The following TMEM255A variants were observed in gnomAD, a reference collection of about 807,000 sequenced individuals.
The protein encoded by TMEM255A is transmembrane protein 255A.
In TMEM255A, 14 loss-of-function variants were observed where a neutral mutation model predicts 23.5. The observed-to-expected ratio is 0.60, with a 90% confidence interval of 0.39 to 0.93. TMEM255A has a LOEUF of 0.93. Ranked by LOEUF, TMEM255A falls within the 40% of genes least tolerant of loss-of-function variation. TMEM255A has a pLI of 0.00. For synonymous variants in TMEM255A, 104 were observed against 100.3 expected, an observed-to-expected ratio of 1.04 and a Z score of -0.22; for missense variants, 233 against 261.7, an observed-to-expected ratio of 0.89 and a Z score of 0.76.
At chrX:120,256,457 AAT>A (rs2057638414), downstream of TMEM255A, 1 of 122,411 alleles carries the variant, frequency 8.2e-6, no homozygotes, top group Non-Finnish European at 1.9e-5. Flanking sequence ...CTTTATTTGA[AAT>A]AGTTGAATCA....
intron 3 of TMEM255A, among the ~76,000 whole-genome samples, chrX:120,292,020 T>C (rs1556023085): frequency 9.0e-6 from 1 of 111,290 alleles, no homozygotes. Flanking sequence ...AATTTTTAAA[T>C]TTTTTTAGAG....
intron 7 of TMEM255A, among the ~76,000 whole-genome samples, chrX:120,274,169 C>T (rs1207722988): frequency 1.8e-5 from 2 of 111,726 alleles, no homozygotes; most frequent in Admixed American, 9.5e-5. Flanking sequence ...CCCAGAAGTT[C>T]GAATATTGCA....
intron 1 of TMEM255A, among the ~76,000 whole-genome samples, chrX:120,305,016 C>A (rs2058055860): frequency 9.0e-6 from 1 of 111,439 alleles, no homozygotes; most frequent in African/African-American, 3.3e-5. Flanking sequence ...TGACATTTGC[C>A]ACCTCATGTA....
At chrX:120,283,551 C>T (rs1205575907) in intron 6 of TMEM255A, among the ~76,000 whole-genome samples, 1 of 111,194 alleles carries the variant, frequency 9.0e-6, no homozygotes, top group Non-Finnish European at 1.9e-5. Context: ...CCTCCCCTTA[C>T]TCCCTCCCTC....
intron 6 of TMEM255A, among the ~76,000 whole-genome samples, chrX:120,277,553 T>C (rs1202310861): frequency 9.0e-6 from 1 of 111,360 alleles, no homozygotes; most frequent in African/African-American, 3.3e-5. Flanking sequence ...ATTTCCATCA[T>C]TGCAGAAAGT....
At chrX:120,304,214 TA>T in intron 2 of TMEM255A, 134 bp downstream of exon 2, 1 of 703,910 alleles carries the variant, frequency 1.4e-6, no homozygotes, top group Non-Finnish European at 2.1e-6. Flanking sequence ...CCTCTCCACA[TA>T]AATATACAGA....
chrX:120,287,157 C>T lies in TMEM255A; in HGVS notation c.420G>A (p.Glu140=). The change falls in exon 5 of 9, where the codon GAG becomes GAA. Residue 140 remains glutamate (E), a synonymous_variant. Transcript: ENST00000371369. ...ATGCAGCCTCATTCTGGCTCACCTC[C>T]TCAGCTTCCTTCTGTGATGTCTTGG... ...YVPKTSQKEA[E]EVNCPHLSRE... is the part of the protein sequence containing the mutation. The T allele has an allele frequency of 8.3e-7, 1 of 1,209,951 alleles. No individual in the cohort carries two copies. The highest frequency in any genetic ancestry group is 1.1e-6 in the Non-Finnish European group (1 of 893,699).
chrX:120,266,729 A>T (rs971628791), intron 8 of TMEM255A, among the ~76,000 whole-genome samples: 4 of 111,874 alleles, frequency 3.6e-5, no homozygotes, highest in Non-Finnish European at 7.5e-5. Flanking sequence ...TATTATAGGG[A>T]CCCCAAGAGA....
At chrX:120,255,465 T>C, downstream of TMEM255A, 1 of 1,096,608 alleles carries the variant, frequency 9.1e-7, no homozygotes, top group Non-Finnish European at 1.2e-6. Context: ...AGTTTTGTTT[T>C]GGATGATGGG....
chrX:120,297,006 TA>T (rs1202352016), intron 2 of TMEM255A, among the ~76,000 whole-genome samples: 1 of 4,281 alleles, frequency 2.3e-4, no homozygotes. Flanking sequence ...ATATAATATA[TA>T]ATATTATATA....
At chrX:120,254,231 T>C, downstream of TMEM255A, 1 of 1,211,964 alleles carries the variant, frequency 8.3e-7, no homozygotes, top group Non-Finnish European at 1.1e-6. Flanking sequence ...TATCTTCAGC[T>C]CCAACACATC....
intron 8 of TMEM255A, 96 bp from the exon 9 acceptor site, chrX:120,261,124 T>A: frequency 9.5e-7 from 1 of 1,052,871 alleles, no homozygotes; most frequent in Non-Finnish European, 1.2e-6. Flanking sequence ...CAAAGCTTTT[T>A]TTCTATTTGG....
rs1285559644 is a variant in TMEM255A at position 120,261,174 on chromosome X, C to T, written c.820-146G>A. The T allele has an allele frequency of 3.6e-6, 3 of 822,074 alleles. No individual in the cohort carries two copies. In the African/African-American group the frequency reaches 6.4e-5, roughly 18 times the overall value. 67.7% of individuals were successfully genotyped at this position (822,074 alleles called of 1,213,427 possible). A position where few individuals can be genotyped will look rare whatever the true frequency, so the allele number is the denominator to read the frequency against. The stretch of plus-strand genomic sequence containing the variant: ...CCCAAACCTCACAGAGTTAATGAGC[C>T]TGGAACAGGTGGTTCTCTCAGTCAC... On this transcript the variant is annotated intron_variant, in intron 8 of 8. Coordinates refer to ENST00000371369, the MANE Select transcript of TMEM255A (RefSeq NM_001104544.3).
At chrX:120,268,115 G>T in intron 8 of TMEM255A, 129 bp downstream of exon 8, 1 of 767,576 alleles carries the variant, frequency 1.3e-6, no homozygotes, top group Non-Finnish European at 1.8e-6. Context: ...CTGGCCATTA[G>T]GGAGATGCAT....
chrX:120,290,169 G>C (rs1391350460), intron 4 of TMEM255A, among the ~76,000 whole-genome samples: 4 of 111,688 alleles, frequency 3.6e-5, no homozygotes, highest in African/African-American at 1.3e-4. Flanking sequence ...CATTAAATGG[G>C]TGAATTGTAT....
At chrX:120,255,085 A>G, downstream of TMEM255A, 1 of 1,212,111 alleles carries the variant, frequency 8.3e-7, no homozygotes. Context: ...GCCTGTGGCA[A>G]ATCTTTCATC....
intron 8 of TMEM255A, among the ~76,000 whole-genome samples, chrX:120,265,274 C>T (rs181513631): frequency 1.8e-3 from 205 of 112,210 alleles, no homozygotes; most frequent in Middle Eastern, 4.6e-3. Context: ...TAAAATGAAA[C>T]CATTTAAGTT....
chrX:120,254,184 A>G (rs2057620449), downstream of TMEM255A: 1 of 1,210,124 alleles, frequency 8.3e-7, no homozygotes, highest in African/African-American at 1.7e-5. Flanking sequence ...GAATCAGGCA[A>G]CTTTGAGCCA....
downstream of TMEM255A, chrX:120,258,583 G>A (rs1488043962): frequency 8.9e-6 from 1 of 112,340 alleles, no homozygotes; most frequent in Non-Finnish European, 1.9e-5. Context: ...AGTCAAAAGT[G>A]AGTCAGCTGC....
Sources: allele counts gnomAD v4.1 joint callset (sites outside exome capture counted in the v4.1 genomes callset), GRCh38; gene constraint gnomAD v4.1.1; transcripts MANE v1.5; gene names NCBI Gene and HGNC (gene_info 2026-07-23, HGNC 2026-07-21).